The following LHFPL6 variants were observed in gnomAD, a reference collection of about 807,000 sequenced individuals.
LHFPL6 encodes the protein LHFPL tetraspan subfamily member 6, also known as LHFPL tetraspan subfamily member 6 protein.
LHFPL6 carries 9 observed loss-of-function variants against 20.6 expected under a neutral mutation model. The ratio of observed to expected loss-of-function variants is 0.44; its 90% CI spans 0.26 to 0.76. LHFPL6 has a LOEUF of 0.76. Among genes scored for constraint, LHFPL6 ranks in the 30% least tolerant of loss-of-function variants. The pLI is 0.20. For synonymous variants in LHFPL6, 105 were observed against 98.7 expected (o/e 1.06, Z -0.38); for missense variants, 218 against 253.5 (o/e 0.86, Z 0.95).
chr13:39,402,531 T>G (rs1354645566), intron 2 of LHFPL6, among the ~76,000 whole-genome samples: 1 of 152,162 alleles, frequency 6.6e-6, no homozygotes, highest in African/African-American at 2.4e-5. Context: ...TGCCTGGCCC[T>G]TTTTGCTTTT....
chr13:39,400,383 C>T (rs1482857424), intron 2 of LHFPL6, among the ~76,000 whole-genome samples: 1 of 152,208 alleles, frequency 6.6e-6, no homozygotes, highest in Non-Finnish European at 1.5e-5. Context: ...TGGCTGGTGG[C>T]TTCCATACTA....
intron 2 of LHFPL6, among the ~76,000 whole-genome samples, chr13:39,588,292 C>CAT (rs1262189437): frequency 6.6e-6 from 1 of 152,324 alleles, no homozygotes; most frequent in East Asian, 1.9e-4. Context: ...TTTATCCCAA[C>CAT]ACGTAGCACA....
intron 2 of LHFPL6, among the ~76,000 whole-genome samples, chr13:39,396,825 G>A (rs752360780): frequency 6.6e-6 from 1 of 151,988 alleles, no homozygotes; most frequent in African/African-American, 2.4e-5. Flanking sequence ...AAGACAGGCA[G>A]GTGAAGACAC....
chr13:39,383,485 C>A (rs551255426), intron 2 of LHFPL6, among the ~76,000 whole-genome samples: 330 of 152,350 alleles, frequency 2.2e-3, no homozygotes, highest in African/African-American at 7.4e-3. Context: ...AAGTGCTCAA[C>A]AGCCACCTGC....
chr13:39,586,660 T>G (rs966267565), intron 2 of LHFPL6, among the ~76,000 whole-genome samples: 1 of 152,134 alleles, frequency 6.6e-6, no homozygotes, highest in African/African-American at 2.4e-5. Flanking sequence ...CTTCAGAAAA[T>G]TCTTCAAAAT....
intron 2 of LHFPL6, among the ~76,000 whole-genome samples, chr13:39,516,058 C>T (rs1306505617): frequency 6.6e-6 from 1 of 152,114 alleles, no homozygotes; most frequent in African/African-American, 2.4e-5. Flanking sequence ...CTAGCATATC[C>T]TATAAGACTC....
At position 39,603,031 on chromosome 13, in the gene LHFPL6, G is replaced by C. The variant is rs893577366; in HGVS notation, c.-323C>G. On this transcript the variant is annotated 5_prime_UTR_variant, in exon 1 of 4. Coordinates refer to ENST00000379589, the MANE Select transcript of LHFPL6 (RefSeq NM_005780.3). ...TAACAGCCGCAGAACCCCGGGGCCC[G>C]ACCTGGAAGAGCAGGGGTTGGCAGG... The C allele has an allele frequency of 6.6e-6, 1 of 152,506 alleles. No individual in the cohort carries two copies. Among genetic ancestry groups the C allele is most frequent in the African/African-American group, 2.4e-5 (1 of 41,462 alleles). 9.4% of individuals were successfully genotyped at this position (152,506 alleles called of 1,614,324 possible). A position where few individuals can be genotyped will look rare whatever the true frequency, so the allele number is the denominator to read the frequency against.
chr13:39,394,207 T>C (rs1870782162), intron 2 of LHFPL6, among the ~76,000 whole-genome samples: 1 of 152,178 alleles, frequency 6.6e-6, no homozygotes, highest in African/African-American at 2.4e-5. Flanking sequence ...CCTAAATTGT[T>C]GGGATTACAG....
chr13:39,545,099 A>AGCT (rs1192420686), intron 2 of LHFPL6, among the ~76,000 whole-genome samples: 1 of 151,830 alleles, frequency 6.6e-6, no homozygotes, highest in Non-Finnish European at 1.5e-5. Flanking sequence ...AAAAGAAATT[A>AGCT]GCTGGGCGTG....
At chr13:39,580,661 G>A (rs373852331) in intron 2 of LHFPL6, among the ~76,000 whole-genome samples, 3 of 152,150 alleles carry the variant, frequency 2.0e-5, no homozygotes, top group Non-Finnish European at 4.4e-5. Flanking sequence ...CCAACTGTTG[G>A]TAATAGCGAC....
chr13:39,402,343 G>C lies in LHFPL6; in HGVS notation c.386-23817C>G, dbSNP rs553506660. 3.2e-4 allele frequency among the ~76,000 whole-genome samples: 48 copies of C among 152,226 alleles called. 1 individual carries two copies. The South Asian group carries it at 1.0e-2, about 32-fold the overall frequency. ...GGGCCCAAGCAATCCTCCCACCTCAGCCTACTGAGTGGCTGGGACTATAGG... is the reference window on the plus strand; with the variant it reads ...GGGCCCAAGCAATCCTCCCACCTCACCCTACTGAGTGGCTGGGACTATAGG... On this transcript the variant is annotated intron_variant, in intron 2 of 3. Coordinates refer to ENST00000379589, the MANE Select transcript of LHFPL6 (RefSeq NM_005780.3).
chr13:39,581,386 C>T (rs1194490420), intron 2 of LHFPL6, among the ~76,000 whole-genome samples: 1 of 152,084 alleles, frequency 6.6e-6, no homozygotes, highest in Non-Finnish European at 1.5e-5. Flanking sequence ...CTACTGAGCA[C>T]CAAGGGCACA....
At position 39,601,350 on chromosome 13, in the gene LHFPL6, G is replaced by T; in HGVS notation, c.-134C>A. 1 of 832,334 alleles carries T rather than the reference G, an allele frequency of 1.2e-6. No individual in the cohort carries two copies. The allele number at this position is 832,334 out of a possible 1,614,324, so 51.6% of individuals were successfully genotyped here. ...TGCAGAATGGATCTTCAGTCTTACT[G>T]GGCATCAACTTTCCATCCTCTGCAC... On this transcript the variant is annotated 5_prime_UTR_variant, in exon 2 of 4. Transcript: ENST00000379589.
intron 2 of LHFPL6, among the ~76,000 whole-genome samples, chr13:39,520,711 G>A (rs1462509357): frequency 6.6e-6 from 1 of 152,140 alleles, no homozygotes; most frequent in Middle Eastern, 3.2e-3. Context: ...CGATGGCATC[G>A]CTGAGCTGAA....
chr13:39,579,264 C>T (rs1872209006), intron 2 of LHFPL6, among the ~76,000 whole-genome samples: 1 of 152,158 alleles, frequency 6.6e-6, no homozygotes, highest in Non-Finnish European at 1.5e-5. Context: ...CAGATACTCT[C>T]CACCCACCAC....
intron 2 of LHFPL6, among the ~76,000 whole-genome samples, chr13:39,508,545 T>C (rs1186342159): frequency 1.3e-5 from 2 of 152,244 alleles, no homozygotes; most frequent in Non-Finnish European, 2.9e-5. Flanking sequence ...TTGATCTGTT[T>C]GAATTTTCAA....
intron 2 of LHFPL6, among the ~76,000 whole-genome samples, chr13:39,457,795 T>C (rs995507449): frequency 6.6e-6 from 1 of 152,210 alleles, no homozygotes; most frequent in African/African-American, 2.4e-5. Flanking sequence ...AGGTGAATTG[T>C]ATTGTATAAA....
At chr13:39,484,525 C>A (rs1176704748) in intron 2 of LHFPL6, among the ~76,000 whole-genome samples, 2 of 152,168 alleles carry the variant, frequency 1.3e-5, no homozygotes, top group Non-Finnish European at 2.9e-5. Flanking sequence ...CAGCCCTTCC[C>A]TCTCTCTTTC....
chr13:39,487,901 C>T (rs148937234), intron 2 of LHFPL6, among the ~76,000 whole-genome samples: 3 of 152,228 alleles, frequency 2.0e-5, no homozygotes, highest in Admixed American at 6.5e-5. Flanking sequence ...TAAAATTAGC[C>T]GGGCATGGTG....
Sources: gnomAD v4.1 joint callset for allele counts (sites outside exome capture counted in the v4.1 genomes callset) on GRCh38, gnomAD v4.1.1 for gene constraint, MANE v1.5 for transcripts, NCBI Gene and HGNC (gene_info 2026-07-23, HGNC 2026-07-21) for gene names.